The following EYA2 variants were observed in gnomAD, a reference collection of about 807,000 sequenced individuals.
EYA2 encodes EYA transcriptional coactivator and phosphatase 2, also known as protein phosphatase EYA2.
A neutral mutation model predicts 69.2 loss-of-function variants in EYA2; 31 were observed. That is an observed-to-expected ratio of 0.45 (90% CI 0.34 to 0.60). EYA2 has a LOEUF of 0.60. Ranked by LOEUF, EYA2 falls within the 20% of genes least tolerant of loss-of-function variation. The probability of loss-of-function intolerance (pLI) is 0.02; values close to 1 mark genes in which losing one functional copy is unlikely to be tolerated. For missense variants in EYA2, 622 were observed against 701.2 expected, an observed-to-expected ratio of 0.89 and a Z score of 1.28; for synonymous variants, 257 against 279.4, an observed-to-expected ratio of 0.92 and a Z score of 0.80.
Position 47,130,261 on chromosome 20 carries a change from C to CTTTTTTTTTTTTTTTT in EYA2, c.889-12792_889-12777dup, listed in dbSNP as rs74178703. Among the ~76,000 whole-genome samples the CTTTTTTTTTTTTTTTT allele has an allele frequency of 5.9e-4, 48 of 81,264 alleles. 10 individuals are homozygous for CTTTTTTTTTTTTTTTT. The highest frequency in any genetic ancestry group is 1.0e-3 in the African/African-American group (18 of 17,378). The allele number at this position is 81,264 out of a possible 152,430, so 53.3% of individuals were successfully genotyped here. A position where few individuals can be genotyped will look rare whatever the true frequency, so the allele number is the denominator to read the frequency against. ...AAAGAAATAAAAGAAGGTTTATTTT[C>CTTTTTTTTTTTTTTTT]TTTTTTTTTTTTTTTTTTTTTGAGA... On this transcript the variant is annotated intron_variant, in intron 9 of 15. Coordinates refer to ENST00000327619, the MANE Select transcript of EYA2 (RefSeq NM_005244.5).
chr20:47,124,750 C>G (rs2033135646), intron 9 of EYA2, among the ~76,000 whole-genome samples: 1 of 152,252 alleles, frequency 6.6e-6, no homozygotes, highest in South Asian at 2.1e-4. Flanking sequence ...GAGTTGGTCA[C>G]TCTACTCCAT....
At chr20:47,096,554 A>T (rs2146517673) in intron 8 of EYA2, among the ~76,000 whole-genome samples, 1 of 152,342 alleles carries the variant, frequency 6.6e-6, no homozygotes. Flanking sequence ...TATGAGAAAA[A>T]TGTAAGTTTC....
At chr20:46,951,468 A>G (rs965875350) in intron 1 of EYA2, among the ~76,000 whole-genome samples, 4 of 152,174 alleles carry the variant, frequency 2.6e-5, no homozygotes, top group Middle Eastern at 3.2e-3. Flanking sequence ...ACCCTCTGCA[A>G]CTAAACTCTG....
At chr20:47,080,840 C>G (rs1016527239) in intron 7 of EYA2, among the ~76,000 whole-genome samples, 4 of 152,166 alleles carry the variant, frequency 2.6e-5, no homozygotes, top group Non-Finnish European at 2.9e-5. Context: ...TTGCGAGACT[C>G]GTTCACTATC....
intron 9 of EYA2, among the ~76,000 whole-genome samples, chr20:47,106,318 CGTTTGTT>C (rs1249453366): frequency 1.3e-5 from 2 of 152,106 alleles, no homozygotes; most frequent in African/African-American, 4.8e-5. Context: ...GCTCAGTAAA[CGTTTGTT>C]GATTACATGA....
At chr20:47,115,007 C>A (rs1211509781) in intron 9 of EYA2, among the ~76,000 whole-genome samples, 1 of 152,212 alleles carries the variant, frequency 6.6e-6, no homozygotes, top group African/African-American at 2.4e-5. Flanking sequence ...GCCAATTAAA[C>A]CTCTTTTCTT....
intron 8 of EYA2, among the ~76,000 whole-genome samples, chr20:47,090,271 C>T (rs2032038892): frequency 6.9e-6 from 1 of 145,488 alleles, no homozygotes; most frequent in Non-Finnish European, 1.5e-5. Flanking sequence ...CTCTCTGGCT[C>T]CCCCATCACC....
At chr20:47,104,685 A>G (rs537097657) in intron 9 of EYA2, among the ~76,000 whole-genome samples, 2 of 152,038 alleles carry the variant, frequency 1.3e-5, no homozygotes, top group African/African-American at 4.8e-5. Context: ...TGTTGAAAAG[A>G]CTCTTCTTTC....
intron 7 of EYA2, among the ~76,000 whole-genome samples, chr20:47,086,613 G>A (rs1429051719): frequency 1.3e-5 from 2 of 152,040 alleles, no homozygotes; most frequent in Non-Finnish European, 2.9e-5. Context: ...CCCGGGGAGG[G>A]GAGATGGTGC....
At chr20:47,137,902 CAG>C (rs2033512302) in intron 9 of EYA2, among the ~76,000 whole-genome samples, 1 of 151,092 alleles carries the variant, frequency 6.6e-6, no homozygotes, top group South Asian at 2.1e-4. Flanking sequence ...AAAAACTAAA[CAG>C]CGCGTATTCT....
chr20:46,987,958 C>CTATA (rs1568707059), intron 1 of EYA2, among the ~76,000 whole-genome samples: 9 of 33,764 alleles, frequency 2.7e-4, no homozygotes, highest in Non-Finnish European at 4.7e-4. Context: ...CTCTCTCTCT[C>CTATA]TCTCTCTATA....
chr20:46,939,336 T>C (rs1023154275), intron 1 of EYA2, among the ~76,000 whole-genome samples: 1 of 152,176 alleles, frequency 6.6e-6, no homozygotes, highest in African/African-American at 2.4e-5. Flanking sequence ...TCTAGCAGCT[T>C]GCAGGAGAGG....
intron 1 of EYA2, among the ~76,000 whole-genome samples, chr20:46,988,038 T>C (rs1981405914): frequency 7.0e-6 from 1 of 141,936 alleles, no homozygotes; most frequent in Non-Finnish European, 1.5e-5. Flanking sequence ...ATATATGTTT[T>C]AAAACAATGC....
At chr20:46,986,023 G>A (rs1048708262) in intron 1 of EYA2, among the ~76,000 whole-genome samples, 11 of 151,842 alleles carry the variant, frequency 7.2e-5, no homozygotes, top group Admixed American at 7.2e-4. Context: ...TGCACATACC[G>A]AAAAGAATGA....
At chr20:46,974,870 A>G (rs1000029479) in intron 1 of EYA2, among the ~76,000 whole-genome samples, 1 of 152,120 alleles carries the variant, frequency 6.6e-6, no homozygotes, top group Admixed American at 6.5e-5. Flanking sequence ...CGAGTCTGTC[A>G]CTGCACGTTG....
At chr20:47,174,824 G>C (rs2034396642) in intron 12 of EYA2, among the ~76,000 whole-genome samples, 1 of 152,212 alleles carries the variant, frequency 6.6e-6, no homozygotes, top group African/African-American at 2.4e-5. Flanking sequence ...AAGGGCCACA[G>C]TGGAGTCCCA....
rs748515305 is a variant in EYA2, at chr20:47,188,118, G to A, written c.1602G>A (p.Glu534=). The A allele has an allele frequency of 6.3e-7, 1 of 1,583,460 alleles. No homozygotes were observed. Among genetic ancestry groups the A allele is most frequent in the Non-Finnish European group, 8.6e-7 (1 of 1,164,790 alleles). Residue 534 remains glutamate (E), a synonymous_variant, in exon 16 of 16, where the codon GAG becomes GAA. Coordinates refer to ENST00000327619, the MANE Select transcript of EYA2 (RefSeq NM_005244.5). The part of the protein sequence containing the change: ...ADLEALRHAL[E]LEYL Reference sequence around the variant, plus strand: ...TGGAGGCACTGAGGCACGCCCTGGAGCTGGAGTATTTATAGCAGGATCAGC... The same window carrying A: ...TGGAGGCACTGAGGCACGCCCTGGAACTGGAGTATTTATAGCAGGATCAGC...
chr20:46,969,729 A>G (rs759118648), intron 1 of EYA2, among the ~76,000 whole-genome samples: 4 of 152,148 alleles, frequency 2.6e-5, no homozygotes, highest in African/African-American at 4.8e-5. Flanking sequence ...GTTCAGCCCC[A>G]CAATGCACTC....
At position 46,990,076 on chromosome 20, in the gene EYA2, T is replaced by A; in HGVS notation, c.66T>A (p.Phe22Leu). The A allele has an allele frequency of 6.2e-7, 1 of 1,613,062 alleles. No homozygotes were observed. Among genetic ancestry groups the A allele is most frequent in the African/African-American group, 1.3e-5 (1 of 75,036 alleles). Residue 22 changes from phenylalanine to leucine, a missense_variant, in exon 2 of 16, where the codon TTT becomes TTA. Transcript: ENST00000327619. ...VNSDCLDKLK[F>L]NRADAAVWTL... ...GCGATTGTCTGGATAAACTGAAGTT[T>A]AACCGTGCTGACGCTGCTGTGTGGA...
Sources: gnomAD v4.1 joint callset for allele counts (sites outside exome capture counted in the v4.1 genomes callset) on GRCh38, gnomAD v4.1.1 for gene constraint, MANE v1.5 for transcripts, NCBI Gene and HGNC (gene_info 2026-07-23, HGNC 2026-07-21) for gene names.